TRIM37: variants seen among roughly 807,000 people sequenced by gnomAD.
TRIM37 encodes the protein E3 ubiquitin-protein ligase TRIM37.
TRIM37 carries 80 observed loss-of-function variants against 129.8 expected under a neutral mutation model. That is an observed-to-expected ratio of 0.62 (90% CI 0.51 to 0.74). The LOEUF (loss-of-function observed/expected upper bound fraction) is 0.74. Ranked by LOEUF, TRIM37 falls within the 30% of genes least tolerant of loss-of-function variation. TRIM37 has a pLI of 0.00. For synonymous variants in TRIM37, 389 were observed against 387.1 expected (o/e 1.00, Z -0.06); for missense variants, 1,054 against 1,176.5 (o/e 0.90, Z 1.52).
intron 22 of TRIM37, among the ~76,000 whole-genome samples, chr17:59,011,083 C>T (rs567314141): frequency 2.6e-5 from 4 of 151,714 alleles, no homozygotes; most frequent in Non-Finnish European, 4.4e-5. Flanking sequence ...GCAGGAGAAT[C>T]GCTTGAACCC....
chr17:59,057,217 G>T (rs979910770), intron 12 of TRIM37, among the ~76,000 whole-genome samples, 163 bp from the exon 13 acceptor site: 9 of 151,976 alleles, frequency 5.9e-5, no homozygotes, highest in Non-Finnish European at 1.3e-4. Flanking sequence ...GTATTTTGGG[G>T]TTTTTTTATT....
chr17:59,001,730 G>GA lies in TRIM37; in HGVS notation c.2696-17dup, dbSNP rs1338338290. On this transcript the variant is annotated splice_polypyrimidine_tract_variant and intron_variant, in intron 22 of 23. Transcript: ENST00000262294. ...CTACTCATTCCTGGCAGGAAGGAAGGAGAACATGTTTCTGAAAAGAAACCA... is the reference window on the plus strand; with the variant it reads ...CTACTCATTCCTGGCAGGAAGGAAGGAAGAACATGTTTCTGAAAAGAAACCA... 14 of 1,613,532 alleles carry GA rather than the reference G, an allele frequency of 8.7e-6. No homozygotes were observed. The highest frequency in any genetic ancestry group is 1.2e-5 in the Non-Finnish European group (14 of 1,179,870).
At chr17:59,064,709 G>C (rs2041787379) in intron 9 of TRIM37, among the ~76,000 whole-genome samples, 1 of 152,172 alleles carries the variant, frequency 6.6e-6, no homozygotes, top group African/African-American at 2.4e-5. Context: ...GGGAGCTCAA[G>C]ACCAGCATGG....
intron 22 of TRIM37, among the ~76,000 whole-genome samples, chr17:59,004,623 A>G (rs1362104020): frequency 3.9e-5 from 6 of 152,318 alleles, no homozygotes; most frequent in African/African-American, 1.4e-4. Context: ...TACAGGTTCT[A>G]TAAACAGTAA....
intron 17 of TRIM37, 36 bp from the exon 18 acceptor site, chr17:59,032,126 A>C: frequency 6.3e-7 from 1 of 1,596,522 alleles, no homozygotes; most frequent in Non-Finnish European, 8.6e-7. Flanking sequence ...ATATATATGC[A>C]CAAACTTAGC....
At chr17:59,012,239 C>A in intron 22 of TRIM37, 89 bp downstream of exon 22, 1 of 531,812 alleles carries the variant, frequency 1.9e-6, no homozygotes, top group Non-Finnish European at 3.1e-6. Context: ...ACCACCACCA[C>A]CACCACCACC....
chr17:58,988,318 G>A (rs1360781164), intron 24 of TRIM37, among the ~76,000 whole-genome samples: 1 of 152,128 alleles, frequency 6.6e-6, no homozygotes. Context: ...ACACACCCAG[G>A]GGAGTATACA....
intron 22 of TRIM37, among the ~76,000 whole-genome samples, chr17:59,007,235 A>ACCCACC (rs1567954945): frequency 2.4e-4 from 5 of 20,864 alleles, no homozygotes; most frequent in Non-Finnish European, 4.4e-4. Context: ...ACCCACCCAC[A>ACCCACC]CACACACACA....
chr17:59,086,125 C>T (rs935584746), intron 4 of TRIM37, among the ~76,000 whole-genome samples: 1 of 151,942 alleles, frequency 6.6e-6, no homozygotes, highest in Non-Finnish European at 1.5e-5. Flanking sequence ...ACATGCTTAA[C>T]ATAACTGAAC....
At chr17:59,053,027 G>A (rs545432652) in intron 13 of TRIM37, among the ~76,000 whole-genome samples, 2 of 151,460 alleles carry the variant, frequency 1.3e-5, no homozygotes, top group East Asian at 3.9e-4. Context: ...CGTTCTGAAC[G>A]GAACTGAGTA....
chr17:59,015,584 T>C (rs2145068965), intron 21 of TRIM37, 26 bp downstream of exon 21: 2 of 1,609,716 alleles, frequency 1.2e-6, no homozygotes, highest in East Asian at 2.2e-5. Flanking sequence ...ATTATACCAT[T>C]ACATATACAA....
Position 59,083,986 on chromosome 17 carries a change from A to G in TRIM37, c.369+16T>C, listed in dbSNP as rs1162394546. On this transcript the variant is annotated intron_variant, in intron 5 of 23. Coordinates refer to ENST00000262294, the MANE Select transcript of TRIM37 (RefSeq NM_015294.6). The stretch of plus-strand genomic sequence containing the variant: ...AGCCTCTAACTTAAAAAAAATACTG[A>G]ATTTGTTCTGCTCACCATTCCTCCC... 1 of 1,609,084 alleles carries G rather than the reference A, an allele frequency of 6.2e-7. No homozygotes were observed.
chr17:58,987,625 T>C (rs886300197), intron 24 of TRIM37, among the ~76,000 whole-genome samples: 3 of 152,212 alleles, frequency 2.0e-5, no homozygotes, highest in Admixed American at 6.5e-5. Context: ...TGAAGGCATG[T>C]ATTGGTAGAT....
chr17:59,016,349 G>A (rs541594496), intron 20 of TRIM37, among the ~76,000 whole-genome samples: 35 of 138,726 alleles, frequency 2.5e-4, no homozygotes, highest in Non-Finnish European at 3.3e-4. Context: ...AGCCGAGATC[G>A]CACCATTGCA....
At chr17:58,973,769 G>C in the TRIM37 span, among the ~76,000 whole-genome samples, 2 of 151,942 alleles carry the variant, frequency 1.3e-5, no homozygotes, top group Non-Finnish European at 2.9e-5. Flanking sequence ...TGGCTAACAC[G>C]ATGAATCCCC....
downstream of TRIM37, chr17:58,981,184 A>G (rs1034257249): frequency 3.9e-5 from 24 of 613,600 alleles, no homozygotes; most frequent in Non-Finnish European, 6.0e-5. Context: ...GGAAACTCAA[A>G]GTACAGTGTT....
chr17:59,012,280 G>A, intron 22 of TRIM37, 48 bp downstream of exon 22: 1 of 1,110,538 alleles, frequency 9.0e-7, no homozygotes. Flanking sequence ...ACCAAAAAAG[G>A]GACAGAATTC....
chr17:59,096,862 T>C (rs912085991), intron 2 of TRIM37, among the ~76,000 whole-genome samples: 8 of 152,180 alleles, frequency 5.3e-5, no homozygotes, highest in Non-Finnish European at 1.2e-4. Flanking sequence ...AGAGAAATTG[T>C]GCTAGGGAAA....
In TRIM37 at chr17:59,106,470, G is replaced by A; in HGVS notation, c.-9C>T. 1 of 1,613,924 alleles carries A rather than the reference G, an allele frequency of 6.2e-7. No homozygotes were observed. The highest frequency in any genetic ancestry group is 8.5e-7 in the Non-Finnish European group (1 of 1,179,912). On this transcript the variant is annotated 5_prime_UTR_variant, in exon 1 of 24. Coordinates refer to ENST00000262294, the MANE Select transcript of TRIM37 (RefSeq NM_015294.6). ...ACGCTCTGTTCATCCATTGCCTCCG[G>A]CTCTCGGCGGGGCCGCTGGCGACCC...
Sources: allele counts gnomAD v4.1 joint callset (sites outside exome capture counted in the v4.1 genomes callset), GRCh38; gene constraint gnomAD v4.1.1; transcripts MANE v1.5; gene names NCBI Gene and HGNC (gene_info 2026-07-23, HGNC 2026-07-21).